RBFOX1: variants seen among roughly 807,000 people sequenced by gnomAD.
RBFOX1 encodes the protein RNA binding fox-1 homolog 1, also known as RNA binding protein fox-1 homolog 1.
In RBFOX1, 8 loss-of-function variants were observed where a neutral mutation model predicts 57.7. The observed-to-expected ratio is 0.14, with a 90% CI of 0.08 to 0.25. The LOEUF is 0.25. Ranked by LOEUF, RBFOX1 falls within the 10% of genes least tolerant of loss-of-function variation. RBFOX1 has a pLI of 1.00. For synonymous variants in RBFOX1, 326 were observed against 222.4 expected (o/e 1.47, Z -4.15); for missense variants, 611 against 548.5 (o/e 1.11, Z -1.14).
At chr16:5,749,374 G>C (rs972908835) in intron 3 of RBFOX1, among the ~76,000 whole-genome samples, 2 of 152,028 alleles carry the variant, frequency 1.3e-5, no homozygotes, top group African/African-American at 4.8e-5. Context: ...GAGTATCTTT[G>C]TGGCATTCTC....
At chr16:6,991,099 C>G (rs140272431) in intron 3 of RBFOX1, among the ~76,000 whole-genome samples, 2 of 125,326 alleles carry the variant, frequency 1.6e-5, no homozygotes, top group African/African-American at 6.2e-5. Flanking sequence ...CACAGAAGTT[C>G]GAGGCCATCC....
intron 1 of RBFOX1, among the ~76,000 whole-genome samples, chr16:6,223,543 G>A (rs560483167): frequency 1.3e-5 from 2 of 152,132 alleles, no homozygotes; most frequent in Non-Finnish European, 2.9e-5. Context: ...GTTTTTGTTG[G>A]GGTTGTTTGT....
chr16:6,886,783 CAAAAA>C (rs1555572372), intron 3 of RBFOX1, among the ~76,000 whole-genome samples: 49 of 136,950 alleles, frequency 3.6e-4, no homozygotes, highest in African/African-American at 9.6e-4. Context: ...CAAAACAAAA[CAAAAA>C]AAAAACCAGA....
chr16:7,281,869 T>C (rs2095550632), intron 4 of RBFOX1, among the ~76,000 whole-genome samples: 1 of 152,096 alleles, frequency 6.6e-6, no homozygotes, highest in Non-Finnish European at 1.5e-5. Context: ...TTATTTTTGT[T>C]TTCTTTTCCT....
At chr16:5,827,694 T>C (rs1229347147) in intron 3 of RBFOX1, among the ~76,000 whole-genome samples, 1 of 152,190 alleles carries the variant, frequency 6.6e-6, no homozygotes, top group African/African-American at 2.4e-5. Flanking sequence ...CAACCCCTGC[T>C]TTGAGTTAAA....
intron 3 of RBFOX1, among the ~76,000 whole-genome samples, chr16:6,995,205 G>A (rs1456230209): frequency 6.6e-6 from 1 of 151,350 alleles, no homozygotes; most frequent in Non-Finnish European, 1.5e-5. Flanking sequence ...GGAATTGGAT[G>A]TAATGTGATC....
At chr16:5,819,907 C>T (rs1332603888) in intron 3 of RBFOX1, among the ~76,000 whole-genome samples, 5 of 152,170 alleles carry the variant, frequency 3.3e-5, no homozygotes, top group African/African-American at 4.8e-5. Context: ...CACTCACCTC[C>T]GTTAGAGAGG....
chr16:5,406,644 A>G (rs1032563215), intron 1 of RBFOX1, among the ~76,000 whole-genome samples: 5 of 152,140 alleles, frequency 3.3e-5, no homozygotes, highest in Admixed American at 1.3e-4. Flanking sequence ...ATGTGTGTAT[A>G]TATATAAATA....
At chr16:5,504,227 C>T (rs2043299568) in intron 2 of RBFOX1, among the ~76,000 whole-genome samples, 2 of 152,338 alleles carry the variant, frequency 1.3e-5, no homozygotes, top group East Asian at 1.9e-4. Context: ...CCTGATTATT[C>T]CTACCCCTTC....
Position 6,483,456 on chromosome 16 carries a change from T to A in RBFOX1, c.-64+166399T>A, listed in dbSNP as rs1022563568. On this transcript the variant is annotated intron_variant, in intron 2 of 15. Coordinates refer to ENST00000550418, the MANE Select transcript of RBFOX1 (RefSeq NM_018723.4). ...CTGTTGCCTCGGACTTCTCCCGTGC[T>A]GTGTTTTCCCGGTGAGGAAACAGGA... 45 of 1,535,388 alleles carry A rather than the reference T, an allele frequency of 2.9e-5. No individual in the cohort carries two copies. In the Admixed American group the frequency reaches 5.7e-4, roughly 19 times the overall value.
intron 5 of RBFOX1, among the ~76,000 whole-genome samples, chr16:7,549,087 A>G (rs2085516910): frequency 1.3e-5 from 2 of 152,234 alleles, no homozygotes; most frequent in African/African-American, 4.8e-5. Context: ...ATTTAAGCCG[A>G]TGACTAAGTA....
intron 1 of RBFOX1, among the ~76,000 whole-genome samples, chr16:6,285,501 C>T (rs1599188052): frequency 6.6e-6 from 1 of 152,162 alleles, no homozygotes; most frequent in Non-Finnish European, 1.5e-5. Context: ...ATCCCTAAAA[C>T]ACCTCTTGGG....
chr16:6,109,713 G>T (rs1438734164), intron 1 of RBFOX1, among the ~76,000 whole-genome samples: 1 of 152,026 alleles, frequency 6.6e-6, no homozygotes, highest in Non-Finnish European at 1.5e-5. Flanking sequence ...ACTTGACTGG[G>T]GATAGTAGAA....
At chr16:5,397,181 T>A (rs934782070) in intron 1 of RBFOX1, among the ~76,000 whole-genome samples, 10 of 152,200 alleles carry the variant, frequency 6.6e-5, no homozygotes, top group African/African-American at 1.7e-4. Context: ...ACCCTGGAGG[T>A]GACTCTCCAA....
At chr16:7,569,593 C>G (rs958608412) in intron 5 of RBFOX1, among the ~76,000 whole-genome samples, 1 of 152,126 alleles carries the variant, frequency 6.6e-6, no homozygotes, top group Non-Finnish European at 1.5e-5. Flanking sequence ...TTCTCCATTG[C>G]CATGTAAAGT....
intron 2 of RBFOX1, among the ~76,000 whole-genome samples, chr16:5,481,307 T>G (rs1260311970): frequency 6.6e-6 from 1 of 152,152 alleles, no homozygotes; most frequent in Non-Finnish European, 1.5e-5. Flanking sequence ...ACCCATGACC[T>G]ATTTCCTTGG....
intron 1 of RBFOX1, among the ~76,000 whole-genome samples, chr16:5,311,945 C>G (rs1003336346): frequency 7.2e-5 from 11 of 152,190 alleles, no homozygotes; most frequent in African/African-American, 2.7e-4. Flanking sequence ...GTGGGCAAAT[C>G]CATCCTCCCC....
chr16:7,337,232 A>T (rs2096805845), intron 4 of RBFOX1, among the ~76,000 whole-genome samples: 1 of 152,164 alleles, frequency 6.6e-6, no homozygotes, highest in Non-Finnish European at 1.5e-5. Flanking sequence ...TTATCCACCA[A>T]GCTACCCTCT....
At chr16:7,038,513 A>G (rs990117622) in intron 3 of RBFOX1, among the ~76,000 whole-genome samples, 1 of 152,172 alleles carries the variant, frequency 6.6e-6, no homozygotes, top group Non-Finnish European at 1.5e-5. Context: ...ATAATAGGCA[A>G]TATGTTTCTT....
Sources: gnomAD v4.1 joint callset for allele counts (sites outside exome capture counted in the v4.1 genomes callset) on GRCh38, gnomAD v4.1.1 for gene constraint, MANE v1.5 for transcripts, NCBI Gene and HGNC (gene_info 2026-07-23, HGNC 2026-07-21) for gene names.